TJP1: variants seen among roughly 807,000 people sequenced by gnomAD.
TJP1 encodes tight junction protein ZO-1.
Under a neutral mutation model 194.2 loss-of-function variants are expected in TJP1, and 43 were observed. The observed-to-expected ratio is 0.22, with a 90% CI of 0.17 to 0.29. The LOEUF is 0.29. Among genes scored for constraint, TJP1 ranks in the 10% least tolerant of loss-of-function variants. The pLI, the probability that TJP1 is intolerant of heterozygous loss-of-function variation, is 1.00. For synonymous variants in TJP1, 801 were observed against 779.0 expected (o/e 1.03, Z -0.47); for missense variants, 1,971 against 2,185.7 (o/e 0.90, Z 1.96).
chr15:29,771,016 C>T (rs576980841), intron 4 of TJP1, among the ~76,000 whole-genome samples: 1 of 152,274 alleles, frequency 6.6e-6, no homozygotes, highest in South Asian at 2.1e-4. Context: ...AACTTCCAGT[C>T]CTGCAAGCTC....
intron 11 of TJP1, among the ~76,000 whole-genome samples, chr15:29,735,816 T>A (rs2043994760): frequency 6.6e-6 from 1 of 152,122 alleles, no homozygotes; most frequent in South Asian, 2.1e-4. Context: ...AGGTCTGAAG[T>A]CACCATGATG....
intron 2 of TJP1, among the ~76,000 whole-genome samples, chr15:29,858,463 C>T (rs1219816339): frequency 1.3e-5 from 2 of 152,216 alleles, no homozygotes; most frequent in Non-Finnish European, 2.9e-5. Context: ...TGATTATATA[C>T]TGAGTCCCTA....
intron 2 of TJP1, among the ~76,000 whole-genome samples, chr15:29,842,577 T>C (rs1317865845): frequency 6.6e-6 from 1 of 152,090 alleles, no homozygotes; most frequent in Admixed American, 6.6e-5. Context: ...TACAGAGACA[T>C]GGGGAGACCA....
chr15:29,884,904 T>C (rs2053064257), intron 2 of TJP1, among the ~76,000 whole-genome samples: 1 of 152,180 alleles, frequency 6.6e-6, no homozygotes, highest in Non-Finnish European at 1.5e-5. Flanking sequence ...GTTCTGGCCA[T>C]GGCTGAGCTA....
rs538176479 is a variant in TJP1 at position 29,920,509 on chromosome 15, G to A, written c.306+35723C>T. ...CTACCTAGAAGATGTTTCAATGATC[G>A]GATAACTAGCATTATGACTAGTTCC... On this transcript the variant is annotated intron_variant, in intron 2 of 28. Transcript: ENST00000356107. 7.9e-5 allele frequency among the ~76,000 whole-genome samples: 12 copies of A among 152,296 alleles called. No homozygotes were observed. The South Asian group carries it at 2.1e-3, about 26-fold the overall frequency.
intron 1 of TJP1, among the ~76,000 whole-genome samples, chr15:29,807,442 T>C (rs1446316297): frequency 6.6e-6 from 1 of 152,222 alleles, no homozygotes; most frequent in Non-Finnish European, 1.5e-5. Context: ...GTATAGCATC[T>C]TCTAAAGGTT....
chr15:29,836,366 G>A (rs895645819), intron 2 of TJP1, among the ~76,000 whole-genome samples: 5 of 151,578 alleles, frequency 3.3e-5, no homozygotes, highest in African/African-American at 1.2e-4. Flanking sequence ...TCCGCCTCCC[G>A]GGTTCACGCC....
intron 2 of TJP1, among the ~76,000 whole-genome samples, chr15:29,952,151 A>C (rs1428657546): frequency 6.6e-6 from 1 of 151,988 alleles, no homozygotes; most frequent in Non-Finnish European, 1.5e-5. Flanking sequence ...CCCCAGGGGG[A>C]AAAAAAAGAA....
At chr15:29,728,099 T>A in intron 15 of TJP1, 80 bp from the exon 16 acceptor site, 1 of 1,150,824 alleles carries the variant, frequency 8.7e-7, no homozygotes, top group Non-Finnish European at 1.3e-6. Context: ...TGGCCACAAC[T>A]GATATGCCGG....
chr15:29,907,243 A>T (rs2053845725), intron 2 of TJP1, among the ~76,000 whole-genome samples: 1 of 151,986 alleles, frequency 6.6e-6, no homozygotes, highest in South Asian at 2.1e-4. Context: ...CCCCATCTCC[A>T]CTAAAAATAC....
At chr15:29,778,907 A>C (rs1162762232) in intron 2 of TJP1, among the ~76,000 whole-genome samples, 1 of 152,170 alleles carries the variant, frequency 6.6e-6, no homozygotes, top group Non-Finnish European at 1.5e-5. Flanking sequence ...AACACACAGC[A>C]CAAGTAGCCT....
At chr15:29,709,971 C>A (rs1484231065) in intron 24 of TJP1, among the ~76,000 whole-genome samples, 1 of 152,080 alleles carries the variant, frequency 6.6e-6, no homozygotes, top group Admixed American at 6.6e-5. Flanking sequence ...CATGATGAAA[C>A]CCTGTCTCTA....
At chr15:29,956,153 T>C in intron 2 of TJP1, 1 of 1,082,698 alleles carries the variant, frequency 9.2e-7, no homozygotes, top group Non-Finnish European at 1.1e-6. Flanking sequence ...ATAAGTCTGC[T>C]GCATTTTTAT....
intron 1 of TJP1, among the ~76,000 whole-genome samples, chr15:29,959,241 CA>C (rs1259056187): frequency 1.3e-5 from 2 of 151,698 alleles, no homozygotes; most frequent in African/African-American, 4.8e-5. Context: ...TGCCCACCAT[CA>C]GCCTTCCAAA....
rs371823545 is a variant in TJP1 at position 29,944,088 on chromosome 15, A to G, written c.306+12144T>C. On this transcript the variant is annotated intron_variant, in intron 2 of 28. Coordinates refer to the TJP1 transcript ENST00000356107. ...TGACTTTAAATTTATTTATTTATTTATTTATTTATTTTATTTATTTTTGAG... is the reference window on the plus strand; with the variant it reads ...TGACTTTAAATTTATTTATTTATTTGTTTATTTATTTTATTTATTTTTGAG... 1.6e-4 allele frequency among the ~76,000 whole-genome samples: 22 copies of G among 141,868 alleles called. No homozygotes were observed. In the East Asian group the frequency reaches 4.5e-3, roughly 29 times the overall value. The allele number at this position is 141,868 out of a possible 152,430, so 93.1% of individuals were successfully genotyped here. A position where few individuals can be genotyped will look rare whatever the true frequency, so the allele number is the denominator to read the frequency against.
rs776796443 is a variant in TJP1, at chr15:29,940,072, G to A, written c.306+16160C>T. Reference sequence around the variant, plus strand: ...GTGAGACTTCCAGAATAAGCAGGCCGTAAGATATTCTGGGGGAAGACTGGG... The same window carrying A: ...GTGAGACTTCCAGAATAAGCAGGCCATAAGATATTCTGGGGGAAGACTGGG... On this transcript the variant is annotated intron_variant, in intron 2 of 28. Coordinates refer to the TJP1 transcript ENST00000356107. Among the ~76,000 whole-genome samples, 5 of 152,192 alleles carry A rather than the reference G, an allele frequency of 3.3e-5. No individual in the cohort carries two copies. In the South Asian group the frequency reaches 6.2e-4, roughly 19 times the overall value.
intron 8 of TJP1, among the ~76,000 whole-genome samples, chr15:29,760,798 T>TGAC (rs1321732916): frequency 1.3e-5 from 2 of 152,212 alleles, no homozygotes; most frequent in African/African-American, 4.8e-5. Flanking sequence ...TCTAATGCAA[T>TGAC]AGTATGACAA....
chr15:29,756,879 T>C (rs536913106), intron 8 of TJP1, among the ~76,000 whole-genome samples: 24 of 152,286 alleles, frequency 1.6e-4, no homozygotes, highest in Admixed American at 1.4e-3. Context: ...CTTAACTATA[T>C]AGAATGAGGA....
chr15:29,729,743 C>A (rs1467789266), intron 15 of TJP1, among the ~76,000 whole-genome samples: 2 of 151,636 alleles, frequency 1.3e-5, no homozygotes, highest in African/African-American at 2.4e-5. Context: ...TGGCATGAAC[C>A]CAGGAGGTGA....
Sources: allele counts gnomAD v4.1 joint callset (sites outside exome capture counted in the v4.1 genomes callset), GRCh38; gene constraint gnomAD v4.1.1; transcripts MANE v1.5; gene names NCBI Gene and HGNC (gene_info 2026-07-23, HGNC 2026-07-21).